MSRA: variants seen among roughly 807,000 people sequenced by gnomAD.
MSRA encodes mitochondrial peptide methionine sulfoxide reductase.
In MSRA, 54 loss-of-function variants were observed where a neutral mutation model predicts 31.3. The observed-to-expected ratio is 1.73, with a 90% confidence interval of 1.39 to 2.17. MSRA has a LOEUF of 2.17. Among genes scored for constraint, MSRA ranks in the 30% most tolerant of loss-of-function variants. The pLI, the probability that MSRA is intolerant of heterozygous loss-of-function variation, is 0.00. For synonymous variants in MSRA, 169 were observed against 116.5 expected, an observed-to-expected ratio of 1.45 and a Z score of -2.90; for missense variants, 507 against 300.9, an observed-to-expected ratio of 1.69 and a Z score of -5.07.
chr8:10,056,524 C>CTTTTTTT, intron 1 of MSRA, among the ~76,000 whole-genome samples: 1 of 138,262 alleles, frequency 7.2e-6, no homozygotes. Context: ...GGCCAGTAAA[C>CTTTTTTT]TTTTTTTTTT....
intron 1 of MSRA, among the ~76,000 whole-genome samples, chr8:10,090,158 T>C (rs1012833399): frequency 6.6e-6 from 1 of 152,178 alleles, no homozygotes; most frequent in Non-Finnish European, 1.5e-5. Flanking sequence ...CAGAGGGGGC[T>C]GGCTGTTAAA....
chr8:10,221,957 G>T (rs1286960093), intron 2 of MSRA, among the ~76,000 whole-genome samples: 1 of 152,126 alleles, frequency 6.6e-6, no homozygotes, highest in Non-Finnish European at 1.5e-5. Flanking sequence ...AGCAGCTGAG[G>T]TCAGAGACTA....
intron 1 of MSRA, among the ~76,000 whole-genome samples, chr8:10,144,829 C>G (rs1241366378): frequency 6.6e-6 from 1 of 152,122 alleles, no homozygotes; most frequent in Non-Finnish European, 1.5e-5. Context: ...ATTGGCACAT[C>G]TGACTGTGCT....
At chr8:10,143,825 G>T (rs952683151) in intron 1 of MSRA, among the ~76,000 whole-genome samples, 2 of 152,174 alleles carry the variant, frequency 1.3e-5, no homozygotes, top group Admixed American at 1.3e-4. Context: ...GTTTTAATGT[G>T]ACCTCTAACT....
At chr8:10,168,264 G>T (rs905975528) in intron 1 of MSRA, among the ~76,000 whole-genome samples, 8 of 152,070 alleles carry the variant, frequency 5.3e-5, no homozygotes, top group African/African-American at 1.7e-4. Context: ...AATAATCTTG[G>T]TTCTAAAACC....
chr8:10,055,213 T>C (rs1802278444), intron 1 of MSRA, among the ~76,000 whole-genome samples: 2 of 152,206 alleles, frequency 1.3e-5, no homozygotes, highest in Non-Finnish European at 2.9e-5. Flanking sequence ...TCGGCCCCGC[T>C]GTCCCCAGGG....
At chr8:10,261,965 G>A (rs938447467) in intron 3 of MSRA, among the ~76,000 whole-genome samples, 1 of 152,186 alleles carries the variant, frequency 6.6e-6, no homozygotes, top group Non-Finnish European at 1.5e-5. Context: ...AGAATGGGTG[G>A]AAGCATCCAG....
intron 5 of MSRA, among the ~76,000 whole-genome samples, chr8:10,418,587 C>G (rs1808618350): frequency 6.6e-6 from 1 of 151,834 alleles, no homozygotes; most frequent in Non-Finnish European, 1.5e-5. Context: ...GTAGAGTGTC[C>G]AAAGCATTCA....
At chr8:10,328,054 G>GTTTTTTTT (rs1563356091) in intron 5 of MSRA, among the ~76,000 whole-genome samples, 30 of 58,918 alleles carry the variant, frequency 5.1e-4, no homozygotes, top group Admixed American at 7.9e-4. Flanking sequence ...TTTTTTTTTA[G>GTTTTTTTT]TATCAGTGAC....
At chr8:10,338,926 A>G (rs1481391558) in intron 5 of MSRA, among the ~76,000 whole-genome samples, 4 of 152,222 alleles carry the variant, frequency 2.6e-5, no homozygotes, top group African/African-American at 9.6e-5. Flanking sequence ...TGCTCTACAA[A>G]TTTAAGTAAG....
intron 1 of MSRA, among the ~76,000 whole-genome samples, chr8:10,143,541 C>G (rs1802881563): frequency 6.6e-6 from 1 of 152,152 alleles, no homozygotes; most frequent in Admixed American, 6.5e-5. Context: ...TTCTCATCGA[C>G]AATGGCATAG....
intron 1 of MSRA, among the ~76,000 whole-genome samples, chr8:10,118,238 C>G (rs925494940): frequency 6.6e-6 from 1 of 152,058 alleles, no homozygotes; most frequent in Admixed American, 6.5e-5. Context: ...GGAGTATATC[C>G]TTGATTGTAG....
At chr8:10,342,154 G>A (rs1428589508) in intron 5 of MSRA, among the ~76,000 whole-genome samples, 2 of 152,214 alleles carry the variant, frequency 1.3e-5, no homozygotes, top group African/African-American at 4.8e-5. Flanking sequence ...CTGTTCTTCA[G>A]TGTGTTGAGA....
intron 1 of MSRA, among the ~76,000 whole-genome samples, chr8:10,153,315 A>G (rs1265556776): frequency 1.3e-5 from 2 of 151,986 alleles, no homozygotes; most frequent in Non-Finnish European, 2.9e-5. Context: ...TCTTCCAGTT[A>G]ATTGTTCTTT....
At chr8:10,205,625 T>C (rs1808892026) in intron 1 of MSRA, among the ~76,000 whole-genome samples, 1 of 152,196 alleles carries the variant, frequency 6.6e-6, no homozygotes, top group South Asian at 2.1e-4. Flanking sequence ...TAGAAAAATC[T>C]ATAATTTTCA....
At chr8:10,374,694 A>T (rs1805662210) in intron 5 of MSRA, among the ~76,000 whole-genome samples, 1 of 152,154 alleles carries the variant, frequency 6.6e-6, no homozygotes, top group South Asian at 2.1e-4. Context: ...TTGCCTTTGA[A>T]ATCTCTTGTG....
intron 1 of MSRA, among the ~76,000 whole-genome samples, chr8:10,151,408 C>G (rs1404178329): frequency 6.6e-6 from 1 of 152,062 alleles, no homozygotes; most frequent in African/African-American, 2.4e-5. Flanking sequence ...TTTTGGGAGG[C>G]TGAGGTGGGC....
At chr8:10,060,332 G>C (rs1045760225) in intron 1 of MSRA, among the ~76,000 whole-genome samples, 2 of 152,176 alleles carry the variant, frequency 1.3e-5, no homozygotes, top group Non-Finnish European at 2.9e-5. Flanking sequence ...CCAAGATGTA[G>C]CATTAAGTGA....
chr8:10,353,748 C>A, intron 5 of MSRA: 5 of 422,926 alleles, frequency 1.2e-5, no homozygotes, highest in South Asian at 8.7e-5. Context: ...AGATACCCAG[C>A]AGAGGACAGG....
Sources: allele counts gnomAD v4.1 joint callset (sites outside exome capture counted in the v4.1 genomes callset), GRCh38; gene constraint gnomAD v4.1.1; transcripts MANE v1.5; gene names NCBI Gene and HGNC (gene_info 2026-07-23, HGNC 2026-07-21).